CHST8: variants seen among roughly 807,000 people sequenced by gnomAD.
The protein encoded by CHST8 is carbohydrate sulfotransferase 8, also known as GALNAC-4-ST1.
Under a neutral mutation model 15.0 loss-of-function variants are expected in CHST8, and 10 were observed. The ratio of observed to expected loss-of-function variants is 0.67; its 90% CI spans 0.41 to 1.13. The LOEUF (loss-of-function observed/expected upper bound fraction) is 1.13. CHST8 is among the 50% of genes most tolerant of loss of function. CHST8 has a pLI of 0.00. For missense variants in CHST8, 634 were observed against 608.2 expected (o/e 1.04, Z -0.45); for synonymous variants, 259 against 256.6 (o/e 1.01, Z -0.09).
At chr19:33,657,677 T>C (rs1972529482) in intron 1 of CHST8, among the ~76,000 whole-genome samples, 1 of 151,928 alleles carries the variant, frequency 6.6e-6, no homozygotes, top group Admixed American at 6.6e-5. Context: ...CAAGGGATCC[T>C]CTCACAGCAG....
intron 2 of CHST8, among the ~76,000 whole-genome samples, chr19:33,675,385 G>A (rs1972795771): frequency 1.3e-5 from 2 of 152,218 alleles, no homozygotes; most frequent in South Asian, 4.1e-4. Context: ...CATGAAGGGA[G>A]CTCTCAGGAT....
rs186479184 is a variant in CHST8 at position 33,649,028 on chromosome 19, C to T, written c.-163-18739C>T. 1.8e-3 allele frequency among the ~76,000 whole-genome samples: 271 copies of T among 151,604 alleles called. 3 individuals carry two copies. The highest frequency in any genetic ancestry group is 6.1e-3 in the African/African-American group (250 of 41,264). On this transcript the variant is annotated intron_variant, in intron 1 of 4. Transcript: ENST00000650847. ...ACACCATTCTCCTGCCTCAGCCACCCGAGTAGCTGGGACTACAGGCGCCCG... is the reference window on the plus strand; with the variant it reads ...ACACCATTCTCCTGCCTCAGCCACCTGAGTAGCTGGGACTACAGGCGCCCG...
Position 33,738,174 on chromosome 19 carries a change from G to T in CHST8, c.131-33239G>T, listed in dbSNP as rs191856276. Among the ~76,000 whole-genome samples, 568 of 152,260 alleles carry T rather than the reference G, an allele frequency of 3.7e-3. 3 individuals carry two copies. The highest frequency in any genetic ancestry group is 5.9e-3 in the Non-Finnish European group (399 of 68,022). ...TGGATTTGGGGGTTCTGTGACCCCC[G>T]TTCACTATCGGCCTCTGTGAGAGGA... On this transcript the variant is annotated intron_variant, in intron 3 of 4. Transcript: ENST00000650847.
intron 3 of CHST8, among the ~76,000 whole-genome samples, chr19:33,732,267 C>T (rs1185482376): frequency 1.3e-5 from 2 of 152,188 alleles, no homozygotes; most frequent in South Asian, 2.1e-4. Flanking sequence ...TGTTGCAAGG[C>T]TCACGCCTAA....
intron 3 of CHST8, among the ~76,000 whole-genome samples, chr19:33,717,247 G>A: frequency 6.6e-6 from 1 of 152,168 alleles, no homozygotes; most frequent in Non-Finnish European, 1.5e-5. Context: ...GATCACCTGA[G>A]GTTGGGAGTT....
At chr19:33,722,656 C>T (rs148527682) in intron 3 of CHST8, among the ~76,000 whole-genome samples, 45 of 152,224 alleles carry the variant, frequency 3.0e-4, no homozygotes, top group Non-Finnish European at 3.8e-4. Context: ...ATTGGTAACA[C>T]GAACCTGGAG....
At chr19:33,766,653 C>T (rs1345214050) in intron 3 of CHST8, among the ~76,000 whole-genome samples, 1 of 152,200 alleles carries the variant, frequency 6.6e-6, no homozygotes, top group African/African-American at 2.4e-5. Flanking sequence ...CAGGTGGAGC[C>T]GAAGCTCAGA....
intron 3 of CHST8, among the ~76,000 whole-genome samples, chr19:33,694,578 A>G (rs1973173996): frequency 6.6e-6 from 1 of 152,044 alleles, no homozygotes; most frequent in African/African-American, 2.4e-5. Context: ...CAGGCCTCGT[A>G]TTGAGAACTT....
At chr19:33,631,903 G>A (rs1972126844) in intron 1 of CHST8, among the ~76,000 whole-genome samples, 1 of 152,128 alleles carries the variant, frequency 6.6e-6, no homozygotes, top group Non-Finnish European at 1.5e-5. Flanking sequence ...CCACAAAACG[G>A]GGTTAACAAG....
At chr19:33,725,591 A>C (rs1265230545) in intron 3 of CHST8, among the ~76,000 whole-genome samples, 1 of 152,048 alleles carries the variant, frequency 6.6e-6, no homozygotes, top group Non-Finnish European at 1.5e-5. Flanking sequence ...CCTTTGCCCC[A>C]AATGCGACGC....
At chr19:33,679,538 G>A (rs139544948) in intron 2 of CHST8, among the ~76,000 whole-genome samples, 57 of 152,328 alleles carry the variant, frequency 3.7e-4, no homozygotes, top group South Asian at 3.1e-3. Flanking sequence ...CAGAGGAGGC[G>A]AAGTGAGTGT....
chr19:33,692,735 G>T (rs558104572), intron 3 of CHST8, among the ~76,000 whole-genome samples: 8 of 152,092 alleles, frequency 5.3e-5, no homozygotes, highest in Non-Finnish European at 1.0e-4. Context: ...TGGCTCTGGG[G>T]GCTGCAGAAG....
chr19:33,640,677 G>A (rs1370559123), intron 1 of CHST8, among the ~76,000 whole-genome samples: 2 of 152,206 alleles, frequency 1.3e-5, no homozygotes, highest in South Asian at 2.1e-4. Flanking sequence ...CGGAATTAAT[G>A]TTCTGTTGCC....
At chr19:33,717,467 G>T (rs1973684343) in intron 3 of CHST8, among the ~76,000 whole-genome samples, 1 of 150,884 alleles carries the variant, frequency 6.6e-6, no homozygotes, top group South Asian at 2.1e-4. Context: ...TCTCAAAAAA[G>T]AAAAAAAAAG....
At chr19:33,765,592 T>C (rs1483389439) in intron 3 of CHST8, among the ~76,000 whole-genome samples, 3 of 150,790 alleles carry the variant, frequency 2.0e-5, no homozygotes, top group Admixed American at 6.6e-5. Flanking sequence ...AGACGGAGTC[T>C]TACTCTGTTG....
At chr19:33,628,251 C>T (rs1050748251) in intron 1 of CHST8, among the ~76,000 whole-genome samples, 1 of 152,148 alleles carries the variant, frequency 6.6e-6, no homozygotes, top group African/African-American at 2.4e-5. Context: ...GGAGCACCAT[C>T]TGGGAGCTGT....
chr19:33,694,264 C>G (rs576742764), intron 3 of CHST8, among the ~76,000 whole-genome samples: 1 of 131,160 alleles, frequency 7.6e-6, no homozygotes, highest in Non-Finnish European at 1.6e-5. Context: ...GTAAATAGTT[C>G]GTTCTTTTAA....
At chr19:33,648,760 G>T (rs1972389978) in intron 1 of CHST8, among the ~76,000 whole-genome samples, 1 of 152,040 alleles carries the variant, frequency 6.6e-6, no homozygotes, top group South Asian at 2.1e-4. Context: ...GTACACGAAT[G>T]TGTACACAGC....
At position 33,757,434 on chromosome 19, in the gene CHST8, GAA is replaced by G. The variant is rs1568358315; in HGVS notation, c.131-13977_131-13976del. The stretch of plus-strand genomic sequence containing the variant: ...AGAAAGAAAGAAAGAAAGAAAGAAA[GAA>G]AGAAAGAAAGAAAGAAAGAAAGAAA... On this transcript the variant is annotated intron_variant, in intron 3 of 4. Transcript: ENST00000650847. Among the ~76,000 whole-genome samples, 35 of 18,214 alleles carry G rather than the reference GAA, an allele frequency of 1.9e-3. 2 individuals are homozygous for G. Among genetic ancestry groups the G allele is most frequent in the South Asian group, 5.7e-3 (3 of 526 alleles). The allele number at this position is 18,214 out of a possible 152,430, so 11.9% of individuals were successfully genotyped here. A position where few individuals can be genotyped will look rare whatever the true frequency, so the allele number is the denominator to read the frequency against.
Sources: allele counts gnomAD v4.1 joint callset (sites outside exome capture counted in the v4.1 genomes callset), GRCh38; gene constraint gnomAD v4.1.1; transcripts MANE v1.5; gene names NCBI Gene and HGNC (gene_info 2026-07-23, HGNC 2026-07-21).